The following TRPC4 variants were observed in gnomAD, a reference collection of about 807,000 sequenced individuals.
TRPC4 encodes the protein transient receptor potential cation channel subfamily C member 4.
Under a neutral mutation model 99.4 loss-of-function variants are expected in TRPC4, and 49 were observed. The ratio of observed to expected loss-of-function variants is 0.49; its 90% CI spans 0.39 to 0.63. The LOEUF is 0.63. TRPC4 is among the 20% of genes least tolerant of loss of function. TRPC4 has a pLI of 0.00. For missense variants in TRPC4, 898 were observed against 1,152.9 expected (o/e 0.78, Z 3.20); for synonymous variants, 454 against 425.9 (o/e 1.07, Z -0.81).
intron 1 of TRPC4, among the ~76,000 whole-genome samples, chr13:37,827,899 G>T (rs1375895143): frequency 2.0e-5 from 3 of 152,174 alleles, no homozygotes; most frequent in African/African-American, 7.2e-5. Flanking sequence ...TTTGATCTCA[G>T]ACTGCTGTGC....
chr13:37,757,657 C>T (rs1389698866), intron 2 of TRPC4, among the ~76,000 whole-genome samples: 2 of 151,956 alleles, frequency 1.3e-5, no homozygotes, highest in African/African-American at 4.8e-5. Context: ...CACACACACA[C>T]ACAAATATTT....
chr13:37,827,852 C>T (rs529456356), intron 1 of TRPC4, among the ~76,000 whole-genome samples: 8 of 152,328 alleles, frequency 5.3e-5, no homozygotes, highest in East Asian at 3.9e-4. Flanking sequence ...TGGGCAATGG[C>T]GGGTGCCCCT....
rs186814688 is a variant in TRPC4 at position 37,862,442 on chromosome 13, G to C, written c.-28+7153C>G. ...TATTTAAATTTAACACGGATTTACA[G>C]TAAAAAAACTTAAGTCCTACTCTTA... On this transcript the variant is annotated intron_variant, in intron 1 of 10. Transcript: ENST00000379705. 2.1e-4 allele frequency among the ~76,000 whole-genome samples: 32 copies of C among 151,644 alleles called. 1 individual carries two copies. Among genetic ancestry groups the C allele is most frequent in the African/African-American group, 6.7e-4 (28 of 41,514 alleles).
chr13:37,804,101 C>T (rs144066457), intron 1 of TRPC4, among the ~76,000 whole-genome samples: 383 of 152,046 alleles, frequency 2.5e-3, no homozygotes, highest in African/African-American at 8.9e-3. Flanking sequence ...CTTTAAGTAA[C>T]GCTTTATATG....
At chr13:37,725,680 G>A (rs1955028767) in intron 3 of TRPC4, among the ~76,000 whole-genome samples, 1 of 152,122 alleles carries the variant, frequency 6.6e-6, no homozygotes, top group Admixed American at 6.6e-5. Flanking sequence ...TATACATTAA[G>A]TATATATAGC....
At chr13:37,838,484 T>G (rs1219873322) in intron 1 of TRPC4, among the ~76,000 whole-genome samples, 1 of 152,214 alleles carries the variant, frequency 6.6e-6, no homozygotes, top group Admixed American at 6.5e-5. Flanking sequence ...CAGGATATTT[T>G]TTTTTCATAA....
intron 1 of TRPC4, among the ~76,000 whole-genome samples, chr13:37,842,343 CAAAAAAAAAAA>C (rs57428116): frequency 1.3e-4 from 2 of 15,634 alleles, no homozygotes; most frequent in East Asian, 2.2e-3. Flanking sequence ...AGCGTCTAGC[CAAAAAAAAAAA>C]AAAAAAAAAA....
intron 1 of TRPC4, among the ~76,000 whole-genome samples, chr13:37,866,817 G>T (rs534508081): frequency 8.5e-6 from 1 of 117,352 alleles, no homozygotes; most frequent in Admixed American, 1.1e-4. Context: ...TTTGGGTTGA[G>T]TCGAACCAGT....
intron 2 of TRPC4, among the ~76,000 whole-genome samples, chr13:37,753,581 G>C (rs561670296): frequency 2.6e-5 from 3 of 116,978 alleles, no homozygotes; most frequent in Non-Finnish European, 5.3e-5. Flanking sequence ...GAGAAAGAGA[G>C]AGAGAGAGAG....
intron 2 of TRPC4, among the ~76,000 whole-genome samples, chr13:37,756,929 T>C (rs557002591): frequency 2.0e-5 from 3 of 152,216 alleles, no homozygotes; most frequent in South Asian, 2.1e-4. Flanking sequence ...CACGATTACA[T>C]ACATATGGCT....
chr13:37,767,104 A>T (rs974457270), intron 2 of TRPC4, among the ~76,000 whole-genome samples: 2 of 151,290 alleles, frequency 1.3e-5, no homozygotes, highest in Admixed American at 6.6e-5. Flanking sequence ...TGATTTTCTG[A>T]GAAACATATC....
chr13:37,704,341 T>G (rs1231867628), intron 3 of TRPC4, among the ~76,000 whole-genome samples: 1 of 152,182 alleles, frequency 6.6e-6, no homozygotes, highest in Admixed American at 6.6e-5. Flanking sequence ...AAGTACTCAC[T>G]TTAAATATGG....
chr13:37,637,745 C>T, intron 10 of TRPC4, 120 bp from the exon 11 acceptor site: 4 of 968,300 alleles, frequency 4.1e-6, no homozygotes, highest in Non-Finnish European at 6.0e-6. Context: ...GGATTCTACT[C>T]TACTGTGGTT....
intron 1 of TRPC4, among the ~76,000 whole-genome samples, chr13:37,809,894 C>T (rs920273473): frequency 1.8e-4 from 28 of 152,004 alleles, no homozygotes; most frequent in Non-Finnish European, 3.7e-4. Flanking sequence ...AACCTTCCAG[C>T]CCTTATATTC....
intron 3 of TRPC4, among the ~76,000 whole-genome samples, chr13:37,704,336 C>T (rs952336746): frequency 6.6e-6 from 1 of 152,154 alleles, no homozygotes; most frequent in Non-Finnish European, 1.5e-5. Flanking sequence ...TACCAAAGTA[C>T]TCACTTTAAA....
intron 3 of TRPC4, among the ~76,000 whole-genome samples, chr13:37,732,065 T>C (rs1376417284): frequency 1.3e-5 from 2 of 152,096 alleles, no homozygotes; most frequent in African/African-American, 4.8e-5. Flanking sequence ...TCCACAAACA[T>C]GTATTGAGCT....
intron 4 of TRPC4, among the ~76,000 whole-genome samples, chr13:37,689,625 T>C (rs1386109616): frequency 6.6e-6 from 1 of 152,200 alleles, no homozygotes; most frequent in East Asian, 1.9e-4. Flanking sequence ...GCTGGAATTA[T>C]AATACTCACA....
chr13:37,722,901 T>C (rs967993601), intron 3 of TRPC4, among the ~76,000 whole-genome samples: 1 of 152,034 alleles, frequency 6.6e-6, no homozygotes, highest in Non-Finnish European at 1.5e-5. Context: ...AATCAGTATA[T>C]GTGAAATATT....
chr13:37,821,310 A>G (rs1958004940), intron 1 of TRPC4, among the ~76,000 whole-genome samples: 1 of 152,102 alleles, frequency 6.6e-6, no homozygotes, highest in Non-Finnish European at 1.5e-5. Flanking sequence ...CAAAGAAATC[A>G]GAGATGACAC....
Sources: allele counts gnomAD v4.1 joint callset (sites outside exome capture counted in the v4.1 genomes callset), GRCh38; gene constraint gnomAD v4.1.1; transcripts MANE v1.5; gene names NCBI Gene and HGNC (gene_info 2026-07-23, HGNC 2026-07-21).